ERC2: variants seen among roughly 807,000 people sequenced by gnomAD.
ERC2 encodes ERC protein 2.
A neutral mutation model predicts 114.8 loss-of-function variants in ERC2; 42 were observed. The ratio of observed to expected loss-of-function variants is 0.37; its 90% CI spans 0.29 to 0.47. The LOEUF (loss-of-function observed/expected upper bound fraction) is 0.47, where lower values mean the gene tolerates loss of function less well. ERC2 is among the 20% of genes least tolerant of loss of function. The pLI is 0.99. For synonymous variants in ERC2, 454 were observed against 425.5 expected, an observed-to-expected ratio of 1.07 and a Z score of -0.82; for missense variants, 939 against 1,150.7, an observed-to-expected ratio of 0.82 and a Z score of 2.66.
chr3:56,031,569 A>T lies in ERC2; in HGVS notation c.1642-12538T>A, dbSNP rs73089189. Among the ~76,000 whole-genome samples the T allele has an allele frequency of 8.6e-3, 1,317 of 152,374 alleles. 6 individuals are homozygous for T. Among genetic ancestry groups the T allele is most frequent in the Middle Eastern group, 0.017 (5 of 294 alleles). ...TACTTCTTCAAATGTGCAGACAAAA[A>T]TTCAAGGCCACAAAGATCAAGAATA... On this transcript the variant is annotated intron_variant, in intron 7 of 17. Transcript: ENST00000288221.
At chr3:55,699,317 T>G in intron 16 of ERC2, 61 bp downstream of exon 16, 1 of 1,597,144 alleles carries the variant, frequency 6.3e-7, no homozygotes, top group Non-Finnish European at 8.6e-7. Context: ...GATTATTTAT[T>G]TTATCTTAAA....
chr3:56,341,450 C>A (rs1277846149), intron 2 of ERC2, among the ~76,000 whole-genome samples: 1 of 152,112 alleles, frequency 6.6e-6, no homozygotes, highest in Non-Finnish European at 1.5e-5. Context: ...CTCAAAGGGT[C>A]CAGCTTCCTG....
chr3:55,638,631 A>T (rs2060050618), intron 17 of ERC2, among the ~76,000 whole-genome samples: 1 of 152,226 alleles, frequency 6.6e-6, no homozygotes, highest in African/African-American at 2.4e-5. Flanking sequence ...GGGCACCATA[A>T]GAACAGGAAC....
intron 2 of ERC2, among the ~76,000 whole-genome samples, chr3:56,415,622 G>A (rs1013431400): frequency 6.6e-6 from 1 of 152,226 alleles, no homozygotes; most frequent in Non-Finnish European, 1.5e-5. Context: ...ACTCTTGGGA[G>A]GATAGGGTAT....
intron 17 of ERC2, among the ~76,000 whole-genome samples, chr3:55,642,674 C>A (rs772415445): frequency 6.6e-6 from 1 of 152,078 alleles, no homozygotes; most frequent in Non-Finnish European, 1.5e-5. Flanking sequence ...CACTGATTTG[C>A]TCTCTCCACA....
intron 3 of ERC2, among the ~76,000 whole-genome samples, chr3:56,272,963 G>C (rs1397050444): frequency 6.6e-6 from 1 of 152,124 alleles, no homozygotes; most frequent in Non-Finnish European, 1.5e-5. Context: ...GGGGTAACTC[G>C]TCCTCATCTC....
intron 14 of ERC2, among the ~76,000 whole-genome samples, chr3:55,843,476 C>T (rs927432200): frequency 6.6e-5 from 10 of 152,098 alleles, no homozygotes; most frequent in African/African-American, 2.4e-4. Flanking sequence ...TATTTCATTG[C>T]CACAAACTCT....
intron 2 of ERC2, among the ~76,000 whole-genome samples, chr3:56,303,223 T>G (rs1238404523): frequency 6.6e-6 from 1 of 152,152 alleles, no homozygotes; most frequent in Non-Finnish European, 1.5e-5. Context: ...CAAATAGAAT[T>G]TTTTACATTT....
At chr3:56,368,507 G>A (rs1282035690) in intron 2 of ERC2, among the ~76,000 whole-genome samples, 1 of 152,202 alleles carries the variant, frequency 6.6e-6, no homozygotes, top group Non-Finnish European at 1.5e-5. Flanking sequence ...ACATGCAAGA[G>A]TTAAAGGTGC....
rs188361860 is a variant in ERC2, at chr3:55,625,566, A to G, written c.*39+58228T>C. Among the ~76,000 whole-genome samples, 384 of 152,204 alleles carry G rather than the reference A, an allele frequency of 2.5e-3. 1 individual carries two copies. The highest frequency in any genetic ancestry group is 3.7e-3 in the Non-Finnish European group (255 of 68,000). ...GGAGATCGAGACCTTCTTGGCTAAC[A>G]TGGTGAAACCCCGTCTCTACTAAAA... On this transcript the variant is annotated intron_variant, in intron 17 of 17. Transcript: ENST00000288221.
chr3:56,236,661 C>T (rs1451078205), intron 3 of ERC2, among the ~76,000 whole-genome samples: 1 of 152,102 alleles, frequency 6.6e-6, no homozygotes, highest in African/African-American at 2.4e-5. Flanking sequence ...GTATTTTGGG[C>T]TCCTTGATGG....
At chr3:56,100,297 T>C (rs1485430016) in intron 6 of ERC2, among the ~76,000 whole-genome samples, 2 of 152,108 alleles carry the variant, frequency 1.3e-5, no homozygotes, top group Non-Finnish European at 2.9e-5. Context: ...GTTGGAACAT[T>C]TTTCCCTCTC....
At chr3:55,704,752 C>A (rs815439) in intron 15 of ERC2, among the ~76,000 whole-genome samples, 6 of 151,962 alleles carry the variant, frequency 3.9e-5, no homozygotes, top group South Asian at 2.1e-4. Flanking sequence ...AGGAATGTGC[C>A]GCATTGGGGA....
At chr3:56,126,371 A>G (rs2149874153) in intron 6 of ERC2, among the ~76,000 whole-genome samples, 1 of 152,364 alleles carries the variant, frequency 6.6e-6, no homozygotes, top group Admixed American at 6.5e-5. Context: ...ATTTAAATAG[A>G]TGCACAAAAA....
chr3:55,574,192 A>G (rs143067008), intron 17 of ERC2, among the ~76,000 whole-genome samples: 1 of 152,236 alleles, frequency 6.6e-6, no homozygotes, highest in African/African-American at 2.4e-5. Flanking sequence ...GTACAGGTGA[A>G]GTGACTTATC....
At chr3:55,744,770 T>C (rs2066202723) in intron 14 of ERC2, among the ~76,000 whole-genome samples, 2 of 152,258 alleles carry the variant, frequency 1.3e-5, no homozygotes, top group Non-Finnish European at 2.9e-5. Context: ...TGCTTTATTC[T>C]TTCCTTGCTT....
chr3:55,641,953 A>T (rs1442828530), intron 17 of ERC2, among the ~76,000 whole-genome samples: 3 of 152,202 alleles, frequency 2.0e-5, no homozygotes, highest in African/African-American at 7.2e-5. Flanking sequence ...AGAGTAGCCC[A>T]TTACTTCCAC....
chr3:55,976,228 A>G (rs538588967), intron 12 of ERC2, among the ~76,000 whole-genome samples: 26 of 152,270 alleles, frequency 1.7e-4, no homozygotes, highest in African/African-American at 6.3e-4. Context: ...TGGCCTTCCC[A>G]AGAGGAAAAA....
intron 14 of ERC2, among the ~76,000 whole-genome samples, chr3:55,807,894 T>C (rs1181356978): frequency 6.6e-6 from 1 of 152,012 alleles, no homozygotes; most frequent in African/African-American, 2.4e-5. Context: ...TATAATAGAG[T>C]CTTCCGCTAA....
Sources: allele counts gnomAD v4.1 joint callset (sites outside exome capture counted in the v4.1 genomes callset), GRCh38; gene constraint gnomAD v4.1.1; transcripts MANE v1.5; gene names NCBI Gene and HGNC (gene_info 2026-07-23, HGNC 2026-07-21).